Variants in ARNT2 observed in about 807,000 individuals in gnomAD.
ARNT2 encodes the protein ARNT protein 2.
ARNT2 carries 36 observed loss-of-function variants against 91.7 expected under a neutral mutation model. The observed-to-expected ratio is 0.39, with a 90% CI of 0.30 to 0.52. The LOEUF is 0.52. Ranked by LOEUF, ARNT2 falls within the 20% of genes least tolerant of loss-of-function variation. The pLI is 0.72. For missense variants in ARNT2, 775 were observed against 939.3 expected (o/e 0.83, Z 2.29); for synonymous variants, 365 against 347.1 (o/e 1.05, Z -0.57).
intron 4 of ARNT2, 21 bp from the exon 5 acceptor site, chr15:80,474,989 A>G (rs1337375674): frequency 6.2e-7 from 1 of 1,612,906 alleles, no homozygotes; most frequent in East Asian, 2.2e-5. Context: ...TATTGTGCCA[A>G]TCATAATCTT....
intron 1 of ARNT2, among the ~76,000 whole-genome samples, chr15:80,448,722 G>A (rs937371036): frequency 2.6e-5 from 4 of 152,176 alleles, no homozygotes; most frequent in African/African-American, 7.2e-5. Flanking sequence ...GGTGGCTAAC[G>A]CCTGTAATCC....
intron 4 of ARNT2, among the ~76,000 whole-genome samples, chr15:80,470,754 A>G (rs1485607932): frequency 1.3e-5 from 2 of 152,234 alleles, no homozygotes; most frequent in East Asian, 3.8e-4. Context: ...TGATCAGCCT[A>G]TGAAAGTGAT....
At chr15:80,579,812 G>A (rs921521034) in intron 15 of ARNT2, among the ~76,000 whole-genome samples, 1 of 152,212 alleles carries the variant, frequency 6.6e-6, no homozygotes, top group Admixed American at 6.5e-5. Flanking sequence ...AGAGAGCACG[G>A]CACACAGCAG....
chr15:80,410,525 T>A (rs59194939), intron 1 of ARNT2, among the ~76,000 whole-genome samples: 1,731 of 152,256 alleles, frequency 0.011, 37 homozygotes, highest in African/African-American at 0.038. Context: ...AGATCTGGGC[T>A]GGAGAAGGAA....
At chr15:80,510,715 G>A (rs1049490886) in intron 6 of ARNT2, among the ~76,000 whole-genome samples, 1 of 152,116 alleles carries the variant, frequency 6.6e-6, no homozygotes, top group Admixed American at 6.6e-5. Context: ...TGTAGTCCCT[G>A]CTACTCGGGA....
rs148779430 is a variant in ARNT2, at chr15:80,591,257, T to A, written c.1919-311T>A. Reference sequence around the variant, plus strand: ...CCCAGATGCCCGCAGGAGGCCTTTGTGCACAGTCACCAAGTGCAAGGAGCA... The same window carrying A: ...CCCAGATGCCCGCAGGAGGCCTTTGAGCACAGTCACCAAGTGCAAGGAGCA... On this transcript the variant is annotated intron_variant, in intron 17 of 18. Coordinates refer to ENST00000303329, the MANE Select transcript of ARNT2 (RefSeq NM_014862.4). The surrounding 1 kb of genome is among the most constrained non-coding windows in gnomAD (Gnocchi z 5.1). Among the ~76,000 whole-genome samples the A allele has an allele frequency of 5.9e-5, 9 of 152,300 alleles. No homozygotes were observed. Among genetic ancestry groups the A allele is most frequent in the Admixed American group, 2.6e-4 (4 of 15,306 alleles).
intron 15 of ARNT2, 178 bp from the exon 16 acceptor site, chr15:80,580,233 G>A (rs1596023991): frequency 1.3e-6 from 1 of 752,662 alleles, no homozygotes; most frequent in Non-Finnish European, 2.3e-6. Context: ...CCTGAAGGGA[G>A]AGGAGGACGG....
intron 3 of ARNT2, 27 bp from the exon 4 acceptor site, chr15:80,470,190 CT>C (rs755448189): frequency 1.3e-6 from 2 of 1,568,984 alleles, no homozygotes; most frequent in Non-Finnish European, 1.7e-6. Flanking sequence ...TTTTTTCCCC[CT>C]CTCCTGATCT....
At chr15:80,406,322 G>A (rs1895600689) in intron 1 of ARNT2, among the ~76,000 whole-genome samples, 1 of 152,224 alleles carries the variant, frequency 6.6e-6, no homozygotes, top group South Asian at 2.1e-4. Flanking sequence ...GAGGAGGAAC[G>A]TGGCTGGTCT....
In ARNT2 at chr15:80,593,046, T is replaced by C. The variant is rs960869657; in HGVS notation, c.2056-554T>C. Among the ~76,000 whole-genome samples, 9 of 152,190 alleles carry C rather than the reference T, an allele frequency of 5.9e-5. 1 individual carries two copies. Among genetic ancestry groups the C allele is most frequent in the African/African-American group, 2.2e-4 (9 of 41,452 alleles). On this transcript the variant is annotated intron_variant, in intron 18 of 18. Transcript: ENST00000303329. ...ATTCAACAGAACACATGTTGGGGAATTGGCTGTAAGAAACTAAAATAGTGC... is the reference window on the plus strand; with the variant it reads ...ATTCAACAGAACACATGTTGGGGAACTGGCTGTAAGAAACTAAAATAGTGC...
At chr15:80,536,803 G>A (rs925358746) in intron 8 of ARNT2, among the ~76,000 whole-genome samples, 1 of 152,132 alleles carries the variant, frequency 6.6e-6, no homozygotes, top group Non-Finnish European at 1.5e-5. Flanking sequence ...GGCCTTTGGG[G>A]CATCTGTCAC....
chr15:80,431,279 G>T (rs1435345288), intron 1 of ARNT2, among the ~76,000 whole-genome samples: 1 of 152,148 alleles, frequency 6.6e-6, no homozygotes, highest in African/African-American at 2.4e-5. Flanking sequence ...CTGTGCAGGG[G>T]TATCACTGGG....
At chr15:80,571,770 G>A (rs964676098) in intron 12 of ARNT2, among the ~76,000 whole-genome samples, 3 of 152,172 alleles carry the variant, frequency 2.0e-5, no homozygotes, top group African/African-American at 7.2e-5. Context: ...TAACAACTAT[G>A]AAAGCTTTTC....
At chr15:80,472,739 T>C (rs576083666) in intron 4 of ARNT2, among the ~76,000 whole-genome samples, 58 of 152,252 alleles carry the variant, frequency 3.8e-4, no homozygotes, top group African/African-American at 1.3e-3. Flanking sequence ...CGTGTGGTTG[T>C]GGTGAGGAAG....
At chr15:80,516,773 T>C (rs1897439723) in intron 8 of ARNT2, among the ~76,000 whole-genome samples, 1 of 146,232 alleles carries the variant, frequency 6.8e-6, no homozygotes, top group Non-Finnish European at 1.5e-5. Context: ...AAAAATATTT[T>C]TATTCTTTGC....
chr15:80,414,107 A>G (rs866074952), intron 1 of ARNT2, among the ~76,000 whole-genome samples: 3 of 152,196 alleles, frequency 2.0e-5, no homozygotes, highest in Admixed American at 6.5e-5. Context: ...CTTATCTTCA[A>G]TAGACCTCTA....
At position 80,552,752 on chromosome 15, in the gene ARNT2, G is replaced by T; in HGVS notation, c.1067G>T (p.Ser356Ile). 6.2e-7 allele frequency: 1 copy of T among 1,614,084 alleles called. No homozygotes were observed. ...ACATTTGTGGATCCAAGATGTATCA[G>T]TGTGATTGGCTACCAACCCCAGGTG... ...IITFVDPRCISVIGYQPQDLL... is the reference protein window; with the variant it reads ...IITFVDPRCIIVIGYQPQDLL... Residue 356 changes from serine to isoleucine, a missense_variant, in exon 10 of 19, where the codon AGT (serine) becomes ATT (isoleucine). Physicochemically the swap from Ser to Ile is moderately radical, Grantham distance 142 (BLOSUM62 -2). Transcript: ENST00000303329.
At chr15:80,531,383 A>G (rs1897737894) in intron 8 of ARNT2, among the ~76,000 whole-genome samples, 1 of 152,244 alleles carries the variant, frequency 6.6e-6, no homozygotes, top group Non-Finnish European at 1.5e-5. Context: ...GGTATGAGGG[A>G]AGAGTATATC....
At chr15:80,495,829 G>T (rs559560983) in intron 5 of ARNT2, among the ~76,000 whole-genome samples, 36 of 152,278 alleles carry the variant, frequency 2.4e-4, no homozygotes, top group African/African-American at 8.7e-4. Context: ...CTTGCTCTGA[G>T]CCCTTTACTT....
Sources: allele counts gnomAD v4.1 joint callset (sites outside exome capture counted in the v4.1 genomes callset), GRCh38; gene constraint gnomAD v4.1.1; non-coding constraint Gnocchi (gnomAD v3.1); transcripts MANE v1.5; gene names NCBI Gene and HGNC (gene_info 2026-07-23, HGNC 2026-07-21).